The following FAM120C variants were observed in gnomAD, a reference collection of about 807,000 sequenced individuals.
The protein encoded by FAM120C is family with sequence similarity 120 member C, also known as constitutive coactivator of PPAR-gamma-like protein 2.
Under a neutral mutation model 71.2 loss-of-function variants are expected in FAM120C, and 14 were observed. That is an observed-to-expected ratio of 0.20 (90% CI 0.13 to 0.31). The LOEUF is 0.31. Ranked by LOEUF, FAM120C falls within the 10% of genes least tolerant of loss-of-function variation. The pLI, the probability that FAM120C is intolerant of heterozygous loss-of-function variation, is 1.00. For missense variants in FAM120C, 500 were observed against 879.0 expected, an observed-to-expected ratio of 0.57 and a Z score of 5.45; for synonymous variants, 354 against 353.2, an observed-to-expected ratio of 1.00 and a Z score of -0.03.
intron 4 of FAM120C, among the ~76,000 whole-genome samples, chrX:54,140,969 A>G (rs1159761280): frequency 2.7e-5 from 3 of 111,072 alleles, no homozygotes; most frequent in African/African-American, 9.8e-5. Context: ...AGAAAGAAAA[A>G]GAAATAATAG....
In FAM120C at chrX:54,073,053, C is replaced by G; in HGVS notation, c.3271G>C (p.Ala1091Pro). Residue 1091 changes from alanine to proline, a missense_variant, in exon 16 of 16, where the codon GCA (alanine) becomes CCA (proline). This residue lies in a region of FAM120C where 85 missense variants were observed against 96.1 expected (regional missense o/e 0.88). Transcript: ENST00000375180. ...GCTTATCAGTCCTCTTTCCGTTGTG[C>G]CACAGTTTCTAGCTTTTGCTCTTGT... Reference protein sequence around the residue: ...HLQEQKLETVAQRKED With the variant: ...HLQEQKLETVPQRKED 8.3e-7 allele frequency: 1 copy of G among 1,204,919 alleles called. No homozygotes were observed. Among genetic ancestry groups the G allele is most frequent in the Non-Finnish European group, 1.1e-6 (1 of 891,174 alleles).
chrX:54,092,295 G>C (rs2066828124), intron 10 of FAM120C, among the ~76,000 whole-genome samples: 2 of 111,108 alleles, frequency 1.8e-5, no homozygotes, highest in African/African-American at 6.5e-5. Context: ...TGTAATCCTA[G>C]CACTTTGGGA....
intron 4 of FAM120C, among the ~76,000 whole-genome samples, chrX:54,138,328 C>T (rs200958325): frequency 1.9e-5 from 2 of 107,854 alleles, no homozygotes; most frequent in East Asian, 5.9e-4. Flanking sequence ...GACAAAACCC[C>T]GTCTCTGCAA....
At chrX:54,129,613 G>A (rs7064545) in intron 9 of FAM120C, among the ~76,000 whole-genome samples, 17,065 of 110,893 alleles carry the variant, frequency 0.15, 1,872 homozygotes, top group African/African-American at 0.39. Flanking sequence ...CTTCCCAGAC[G>A]GGGTGGTGGC....
chrX:54,154,859 G>C (rs1469365810), intron 3 of FAM120C, among the ~76,000 whole-genome samples: 1 of 111,181 alleles, frequency 9.0e-6, no homozygotes, highest in Non-Finnish European at 1.9e-5. Context: ...CGGACAGATG[G>C]TATTTAAAGT....
At chrX:54,160,685 A>G (rs1684088265) in intron 1 of FAM120C, among the ~76,000 whole-genome samples, 2 of 111,642 alleles carry the variant, frequency 1.8e-5, no homozygotes, top group South Asian at 7.5e-4. Context: ...CCTGGTACGT[A>G]ATAGTAATAA....
intron 1 of FAM120C, among the ~76,000 whole-genome samples, chrX:54,161,954 T>C (rs1056464029): frequency 5.3e-5 from 6 of 112,540 alleles, no homozygotes; most frequent in African/African-American, 1.9e-4. Flanking sequence ...TTGAGTGTGA[T>C]CCAAACACCT....
chrX:54,083,433 CCACACACACACACACACA>C (rs781964795), intron 13 of FAM120C, among the ~76,000 whole-genome samples: 13 of 78,934 alleles, frequency 1.6e-4, no homozygotes, highest in Admixed American at 3.1e-4. Context: ...GACCCCATCT[CCACACACACACACACACA>C]CACACACACA....
rs181616520 is a variant in FAM120C, at chrX:54,177,297, C to T, written c.699+5203G>A. On this transcript the variant is annotated intron_variant, in intron 1 of 15. Coordinates refer to ENST00000375180, the MANE Select transcript of FAM120C (RefSeq NM_017848.6). ...TGGCAGCAATATGGCAGATGGAGTCCGGAGAGTGTTATGGTAAAGGAACAA... is the reference window on the plus strand; with the variant it reads ...TGGCAGCAATATGGCAGATGGAGTCTGGAGAGTGTTATGGTAAAGGAACAA... 2.2e-4 allele frequency among the ~76,000 whole-genome samples: 24 copies of T among 111,008 alleles called. No individual in the cohort carries two copies. The East Asian group carries it at 5.1e-3, about 24-fold the overall frequency.
chrX:54,078,667 G>A (rs2071823724), intron 15 of FAM120C, among the ~76,000 whole-genome samples: 1 of 111,622 alleles, frequency 9.0e-6, no homozygotes, highest in African/African-American at 3.3e-5. Flanking sequence ...CAGACTACAT[G>A]TAGAATGTCT....
chrX:54,146,116 T>C (rs1184319899), intron 4 of FAM120C, among the ~76,000 whole-genome samples: 1 of 108,848 alleles, frequency 9.2e-6, no homozygotes, highest in Non-Finnish European at 1.9e-5. Context: ...ATGAGAACAC[T>C]TGGACACAAG....
At chrX:54,090,375 G>A (rs1380704031) in intron 11 of FAM120C, among the ~76,000 whole-genome samples, 2 of 109,909 alleles carry the variant, frequency 1.8e-5, no homozygotes, top group African/African-American at 6.6e-5. Context: ...GGGATTACAG[G>A]TGCCCTGCCA....
At position 54,068,558 on chromosome X, in the gene FAM120C, G is replaced by A. The variant is rs2066695858; in HGVS notation, c.*4475C>T. On this transcript the variant is annotated 3_prime_UTR_variant, in exon 16 of 16. Transcript: ENST00000375180. ...TGTGGTGAGGTGGGCCAAAAAGGCA[G>A]GGAATTTGGAATCTGGGAGTGGGAA... 1 of 111,069 alleles carries A rather than the reference G, an allele frequency of 9.0e-6. No individual in the cohort carries two copies. The highest frequency in any genetic ancestry group is 3.3e-5 in the African/African-American group (1 of 30,527). 9.2% of individuals were successfully genotyped at this position (111,069 alleles called of 1,213,427 possible). A position where few individuals can be genotyped will look rare whatever the true frequency, so the allele number is the denominator to read the frequency against.
At chrX:54,088,705 A>T (rs1557122302) in intron 11 of FAM120C, among the ~76,000 whole-genome samples, 2 of 110,341 alleles carry the variant, frequency 1.8e-5, no homozygotes, top group Non-Finnish European at 3.8e-5. Context: ...AAACTTGCAG[A>T]TACCAGCACC....
chrX:54,135,657 G>T, intron 5 of FAM120C, 53 bp from the exon 6 acceptor site: 1 of 1,001,155 alleles, frequency 1.0e-6, no homozygotes, highest in Non-Finnish European at 1.4e-6. Context: ...ATTTTACCAT[G>T]TTATATTCTG....
At chrX:54,117,354 A>AAAAAT (rs140650427) in intron 9 of FAM120C, among the ~76,000 whole-genome samples, 1,653 of 60,323 alleles carry the variant, frequency 0.027, 107 homozygotes, top group African/African-American at 0.099. Flanking sequence ...TCCTGTCTCT[A>AAAAAT]AAAATAAAAT....
chrX:54,106,225 C>G (rs888055327), intron 10 of FAM120C, among the ~76,000 whole-genome samples: 4 of 111,377 alleles, frequency 3.6e-5, no homozygotes, highest in East Asian at 2.8e-4. Flanking sequence ...TAGATCAATG[C>G]AACAGAACAG....
At chrX:54,180,677 T>G (rs952401820) in intron 1 of FAM120C, among the ~76,000 whole-genome samples, 1 of 111,934 alleles carries the variant, frequency 8.9e-6, no homozygotes, top group African/African-American at 3.3e-5. Flanking sequence ...GAAGACCACA[T>G]AGGCACAAAT....
chrX:54,103,697 A>G (rs921073110), intron 10 of FAM120C, among the ~76,000 whole-genome samples: 4 of 111,007 alleles, frequency 3.6e-5, no homozygotes, highest in African/African-American at 1.3e-4. Flanking sequence ...TGATAATACT[A>G]CATTATTTTG....
Sources: allele counts gnomAD v4.1 joint callset (sites outside exome capture counted in the v4.1 genomes callset), GRCh38; gene constraint gnomAD v4.1.1; regional missense constraint gnomAD v4.1.1; transcripts MANE v1.5; gene names NCBI Gene and HGNC (gene_info 2026-07-23, HGNC 2026-07-21).